The following ORC3 variants were observed in gnomAD, a reference collection of about 807,000 sequenced individuals.
ORC3 encodes homolog of latheo, Drosophila.
In ORC3, 78 loss-of-function variants were observed where a neutral mutation model predicts 100.7. That is an observed-to-expected ratio of 0.77 (90% confidence interval 0.65 to 0.94). The LOEUF is 0.94. Among genes scored for constraint, ORC3 ranks in the 40% least tolerant of loss-of-function variants. The probability of loss-of-function intolerance (pLI) is 0.00; values close to 1 mark genes in which losing one functional copy is unlikely to be tolerated. For missense variants in ORC3, 789 were observed against 823.9 expected, an observed-to-expected ratio of 0.96 and a Z score of 0.52; for synonymous variants, 295 against 289.3, an observed-to-expected ratio of 1.02 and a Z score of -0.20.
At chr6:87,655,209 G>A (rs1285057699) in intron 14 of ORC3, among the ~76,000 whole-genome samples, 1 of 152,064 alleles carries the variant, frequency 6.6e-6, no homozygotes, top group Admixed American at 6.6e-5. Flanking sequence ...TTTTGAGACA[G>A]GATCTTGCTG....
At chr6:87,609,818 C>G (rs1297494829) in intron 7 of ORC3, among the ~76,000 whole-genome samples, 1 of 152,064 alleles carries the variant, frequency 6.6e-6, no homozygotes, top group African/African-American at 2.4e-5. Context: ...TCCCAAAGTG[C>G]TGGGATTACA....
At chr6:87,594,290 T>C in intron 1 of ORC3, 63 bp from the exon 2 acceptor site, 1 of 1,189,668 alleles carries the variant, frequency 8.4e-7, no homozygotes, top group Non-Finnish European at 1.2e-6. Flanking sequence ...AAATATTTGG[T>C]TAATCAGATT....
the ORC3 span, chr6:87,675,747 C>T: frequency 5.5e-6 from 8 of 1,448,236 alleles, no homozygotes; most frequent in South Asian, 8.4e-5. Context: ...TTCCTCCATA[C>T]ATTCTCAGTA....
At chr6:87,635,062 C>T in intron 12 of ORC3, 101 bp downstream of exon 12, 2 of 763,974 alleles carry the variant, frequency 2.6e-6, no homozygotes, top group Non-Finnish European at 4.8e-6. Flanking sequence ...GAAATGAAGC[C>T]AATCCTTACA....
At chr6:87,642,311 C>T (rs1417705756) in intron 13 of ORC3, among the ~76,000 whole-genome samples, 4 of 151,768 alleles carry the variant, frequency 2.6e-5, no homozygotes, top group Non-Finnish European at 2.9e-5. Flanking sequence ...AATAAATAGG[C>T]CGAGCATAGT....
chr6:87,606,530 CTT>C (rs11288857), intron 5 of ORC3, among the ~76,000 whole-genome samples: 1 of 145,704 alleles, frequency 6.9e-6, no homozygotes, highest in African/African-American at 2.5e-5. Context: ...TATTAAAAAG[CTT>C]TTTTTTTTTT....
chr6:87,662,385 T>C (rs1417176915), intron 16 of ORC3, among the ~76,000 whole-genome samples: 1 of 151,994 alleles, frequency 6.6e-6, no homozygotes, highest in Non-Finnish European at 1.5e-5. Flanking sequence ...TGAGCCGAGA[T>C]TGCACCACTG....
chr6:87,603,282 T>C, intron 3 of ORC3, 102 bp from the exon 4 acceptor site: 2 of 587,174 alleles, frequency 3.4e-6, no homozygotes, highest in South Asian at 5.1e-5. Flanking sequence ...CATCTTTTGA[T>C]CATTTTACAT....
chr6:87,635,214 A>G (rs1212748974), intron 12 of ORC3, among the ~76,000 whole-genome samples: 2 of 152,212 alleles, frequency 1.3e-5, no homozygotes, highest in Admixed American at 1.3e-4. Context: ...GTACTAAGGC[A>G]TTTGAACTTT....
intron 1 of ORC3, among the ~76,000 whole-genome samples, chr6:87,593,432 T>A (rs1245673021): frequency 1.3e-5 from 2 of 152,268 alleles, no homozygotes; most frequent in Middle Eastern, 6.8e-3. Context: ...CTTAAAACAA[T>A]GCAAAATAAA....
At chr6:87,620,906 A>G (rs1779487868) in intron 9 of ORC3, among the ~76,000 whole-genome samples, 1 of 152,170 alleles carries the variant, frequency 6.6e-6, no homozygotes, top group Non-Finnish European at 1.5e-5. Context: ...TTCATCATTC[A>G]CTTTAATCCA....
chr6:87,603,563 CTG>C, intron 4 of ORC3, 35 bp downstream of exon 4: 4 of 1,365,674 alleles, frequency 2.9e-6, no homozygotes, highest in Non-Finnish European at 2.9e-6. Flanking sequence ...GCATGCATCT[CTG>C]TGTATTTCGT....
chr6:87,604,052 A>C (rs193080791), intron 4 of ORC3, among the ~76,000 whole-genome samples: 173 of 152,290 alleles, frequency 1.1e-3, no homozygotes, highest in Non-Finnish European at 2.1e-3. Flanking sequence ...GCAGGTTGTA[A>C]ATTTCTTAAG....
At chr6:87,632,172 A>G (rs1767475521) in intron 11 of ORC3, among the ~76,000 whole-genome samples, 1 of 152,186 alleles carries the variant, frequency 6.6e-6, no homozygotes, top group South Asian at 2.1e-4. Flanking sequence ...TCCAAAAACA[A>G]ACAAACAAAA....
chr6:87,662,925 G>A (rs1204335539), intron 16 of ORC3, 78 bp from the exon 17 acceptor site: 1 of 941,710 alleles, frequency 1.1e-6, no homozygotes, highest in African/African-American at 1.7e-5. Context: ...AGAGCTTAAA[G>A]GAAAAAATAT....
chr6:87,605,860 G>T, intron 4 of ORC3, 57 bp from the exon 5 acceptor site: 1 of 914,736 alleles, frequency 1.1e-6, no homozygotes, highest in Non-Finnish European at 1.7e-6. Context: ...AATAGCTTTT[G>T]TCATTAAATT....
intron 2 of ORC3, 98 bp from the exon 3 acceptor site, chr6:87,601,684 AAT>A: frequency 4.9e-5 from 35 of 707,732 alleles, no homozygotes; most frequent in Middle Eastern, 4.0e-4. Flanking sequence ...AAAAAAAAAA[AAT>A]TTCACTTCTG....
intron 11 of ORC3, among the ~76,000 whole-genome samples, chr6:87,623,203 A>G (rs1327492556): frequency 6.6e-6 from 1 of 152,248 alleles, no homozygotes; most frequent in Non-Finnish European, 1.5e-5. Context: ...CTCAAAAAAT[A>G]TTCAGAATGG....
At chr6:87,663,265 C>A in intron 17 of ORC3, 121 bp downstream of exon 17, 1 of 665,552 alleles carries the variant, frequency 1.5e-6, no homozygotes, top group Non-Finnish European at 2.4e-6. Flanking sequence ...CAGGGTTGCA[C>A]GTCTCATATA....
Sources: allele counts gnomAD v4.1 joint callset (sites outside exome capture counted in the v4.1 genomes callset), GRCh38; gene constraint gnomAD v4.1.1; transcripts MANE v1.5; gene names NCBI Gene and HGNC (gene_info 2026-07-23, HGNC 2026-07-21).